VAT1L: variants seen among roughly 807,000 people sequenced by gnomAD.
The protein encoded by VAT1L is vesicle amine transport 1 like, also known as putative NADPH-dependent quinone oxidoreductase VAT1L.
VAT1L carries 34 observed loss-of-function variants against 44.1 expected under a neutral mutation model. That is an observed-to-expected ratio of 0.77 (90% CI 0.59 to 1.03). The LOEUF (loss-of-function observed/expected upper bound fraction) is 1.03. VAT1L is among the 50% of genes least tolerant of loss of function. The pLI, the probability that VAT1L is intolerant of heterozygous loss-of-function variation, is 0.00. For missense variants in VAT1L, 615 were observed against 538.8 expected (o/e 1.14, Z -1.40); for synonymous variants, 253 against 202.2 (o/e 1.25, Z -2.13).
At chr16:77,967,048 T>C (rs904680978) in intron 7 of VAT1L, among the ~76,000 whole-genome samples, 1 of 151,848 alleles carries the variant, frequency 6.6e-6, no homozygotes, top group Non-Finnish European at 1.5e-5. Flanking sequence ...CACTATCTTC[T>C]GGGCACTGTC....
chr16:77,874,642 T>A (rs1186731577), intron 4 of VAT1L, among the ~76,000 whole-genome samples: 1 of 152,026 alleles, frequency 6.6e-6, no homozygotes, highest in Non-Finnish European at 1.5e-5. Context: ...TAGCCCTGAT[T>A]GGGAAAATTC....
chr16:77,943,720 T>G (rs1402639083), intron 7 of VAT1L, among the ~76,000 whole-genome samples: 3 of 152,082 alleles, frequency 2.0e-5, no homozygotes, highest in African/African-American at 4.8e-5. Flanking sequence ...ATTCCTAAAG[T>G]AGCCCTAGCA....
intron 1 of VAT1L, 34 bp downstream of exon 1, chr16:77,788,949 T>C: frequency 6.9e-7 from 1 of 1,443,298 alleles, no homozygotes; most frequent in South Asian, 1.4e-5. Flanking sequence ...CTTTCTCTCT[T>C]TTTGCGCGCT....
intron 3 of VAT1L, among the ~76,000 whole-genome samples, chr16:77,839,773 G>C (rs552503114): frequency 1.3e-5 from 2 of 152,042 alleles, no homozygotes; most frequent in Non-Finnish European, 2.9e-5. Flanking sequence ...AGAGCACTTA[G>C]AACAGAACCT....
chr16:77,922,239 G>A (rs749057829), intron 7 of VAT1L, among the ~76,000 whole-genome samples: 6 of 152,072 alleles, frequency 3.9e-5, no homozygotes, highest in Admixed American at 1.3e-4. Flanking sequence ...CTATGTCTGC[G>A]TGTACAAATG....
intron 1 of VAT1L, among the ~76,000 whole-genome samples, chr16:77,791,667 A>C (rs1225065051): frequency 6.6e-6 from 1 of 152,154 alleles, no homozygotes; most frequent in Non-Finnish European, 1.5e-5. Flanking sequence ...CCCTCTTAGC[A>C]TGCAGTCTCA....
chr16:77,799,832 G>T (rs1208981600), intron 1 of VAT1L, among the ~76,000 whole-genome samples: 2 of 152,062 alleles, frequency 1.3e-5, no homozygotes, highest in South Asian at 2.1e-4. Flanking sequence ...TCATCTTGTA[G>T]ATATTTTTGG....
intron 7 of VAT1L, among the ~76,000 whole-genome samples, chr16:77,964,444 A>T (rs1291148831): frequency 6.6e-6 from 1 of 151,882 alleles, no homozygotes; most frequent in Admixed American, 6.6e-5. Flanking sequence ...CAAGGGCATC[A>T]CTCCAAACTC....
At chr16:77,810,946 A>T (rs542617426) in intron 1 of VAT1L, among the ~76,000 whole-genome samples, 6 of 152,342 alleles carry the variant, frequency 3.9e-5, no homozygotes, top group Non-Finnish European at 1.5e-5. Flanking sequence ...CCAACCTAAT[A>T]AAACAATGGG....
chr16:77,941,440 C>A (rs975171307), intron 7 of VAT1L, among the ~76,000 whole-genome samples: 1 of 152,190 alleles, frequency 6.6e-6, no homozygotes, highest in East Asian at 1.9e-4. Context: ...AATCTTCCCA[C>A]CATGGCTGAT....
intron 1 of VAT1L, chr16:77,801,630 A>G (rs2016054753): frequency 6.7e-6 from 1 of 149,762 alleles, no homozygotes. Flanking sequence ...TTCAAACTGC[A>G]CTCTTCATAC....
rs1449614181 is a variant in VAT1L at position 77,980,095 on chromosome 16, T to C, written c.*2400T>C. The C allele has an allele frequency of 6.6e-6, 1 of 152,668 alleles. No individual in the cohort carries two copies. Among genetic ancestry groups the C allele is most frequent in the Non-Finnish European group, 1.5e-5 (1 of 68,036 alleles). 9.5% of individuals were successfully genotyped at this position (152,668 alleles called of 1,614,324 possible). A position where few individuals can be genotyped will look rare whatever the true frequency, so the allele number is the denominator to read the frequency against. Reference sequence around the variant, plus strand: ...AAAAATATAAATAAAGTATTCAGCATAGCAAAACCTCACCTGGCATCTGCT... The same window carrying C: ...AAAAATATAAATAAAGTATTCAGCACAGCAAAACCTCACCTGGCATCTGCT... On this transcript the variant is annotated 3_prime_UTR_variant, in exon 9 of 9. Transcript: ENST00000302536.
chr16:77,828,375 G>A (rs1038284100), intron 3 of VAT1L, among the ~76,000 whole-genome samples: 4 of 152,224 alleles, frequency 2.6e-5, no homozygotes, highest in Non-Finnish European at 5.9e-5. Flanking sequence ...TTAAAGGTGG[G>A]AGTGGGGGCC....
Position 77,979,304 on chromosome 16 carries a change from C to T in VAT1L, c.*1609C>T, listed in dbSNP as rs2018374347. 2 of 152,308 alleles carry T rather than the reference C, an allele frequency of 1.3e-5. No individual in the cohort carries two copies. The highest frequency in any genetic ancestry group is 6.6e-5 in the Admixed American group (1 of 15,262). 9.4% of individuals were successfully genotyped at this position (152,308 alleles called of 1,614,324 possible). Reference sequence around the variant, plus strand: ...AGAAAGGGTGCTTTCATCTGAGGAACCAAGGGGTGAGAGTATCCCAAAGGA... The same window carrying T: ...AGAAAGGGTGCTTTCATCTGAGGAATCAAGGGGTGAGAGTATCCCAAAGGA... On this transcript the variant is annotated 3_prime_UTR_variant, in exon 9 of 9. Transcript: ENST00000302536.
chr16:77,872,964 A>G (rs2142450679), intron 4 of VAT1L, among the ~76,000 whole-genome samples: 1 of 152,342 alleles, frequency 6.6e-6, no homozygotes, highest in South Asian at 2.1e-4. Context: ...GGGGAAAACC[A>G]GCTTGAAAAC....
chr16:77,842,812 A>G (rs963032567), intron 3 of VAT1L, among the ~76,000 whole-genome samples: 2 of 152,186 alleles, frequency 1.3e-5, no homozygotes, highest in African/African-American at 4.8e-5. Context: ...CCAAGATAAT[A>G]CCAAGTAGCA....
intron 1 of VAT1L, among the ~76,000 whole-genome samples, chr16:77,808,976 C>T (rs1009740904): frequency 5.3e-5 from 8 of 152,252 alleles, no homozygotes; most frequent in Admixed American, 2.0e-4. Context: ...ACCTAGTATA[C>T]GGCATAGTAT....
intron 7 of VAT1L, among the ~76,000 whole-genome samples, chr16:77,928,274 G>A (rs1006538001): frequency 6.6e-6 from 1 of 152,150 alleles, no homozygotes; most frequent in Admixed American, 6.5e-5. Flanking sequence ...TAGCAAATGT[G>A]TGTGTGGAGA....
intron 3 of VAT1L, among the ~76,000 whole-genome samples, chr16:77,851,427 T>C (rs1464303685): frequency 1.3e-5 from 2 of 152,156 alleles, no homozygotes; most frequent in Non-Finnish European, 2.9e-5. Flanking sequence ...GGTGAAAGGA[T>C]TGCTTGAGGC....
Sources: gnomAD v4.1 joint callset for allele counts (sites outside exome capture counted in the v4.1 genomes callset) on GRCh38, gnomAD v4.1.1 for gene constraint, MANE v1.5 for transcripts, NCBI Gene and HGNC (gene_info 2026-07-23, HGNC 2026-07-21) for gene names.